ARNT2: variants seen among roughly 807,000 people sequenced by gnomAD.
The protein encoded by ARNT2 is aryl hydrocarbon receptor nuclear translocator 2.
A neutral mutation model predicts 91.7 loss-of-function variants in ARNT2; 36 were observed. The observed-to-expected ratio is 0.39, with a 90% CI of 0.30 to 0.52. The LOEUF (loss-of-function observed/expected upper bound fraction) is 0.52. ARNT2 is among the 20% of genes least tolerant of loss of function. The probability of loss-of-function intolerance (pLI) is 0.72; values close to 1 mark genes in which losing one functional copy is unlikely to be tolerated. For synonymous variants in ARNT2, 365 were observed against 347.1 expected (o/e 1.05, Z -0.57); for missense variants, 775 against 939.3 (o/e 0.83, Z 2.29).
At chr15:80,518,609 A>G (rs1313493204) in intron 8 of ARNT2, among the ~76,000 whole-genome samples, 7 of 152,094 alleles carry the variant, frequency 4.6e-5, no homozygotes. Flanking sequence ...AGTCTTAAAT[A>G]GAGTATGCCT....
intron 2 of ARNT2, among the ~76,000 whole-genome samples, chr15:80,452,037 A>G (rs1896401349): frequency 6.6e-6 from 1 of 152,186 alleles, no homozygotes; most frequent in South Asian, 2.1e-4. Flanking sequence ...GTGGTCCAAT[A>G]TGATTCTTAA....
chr15:80,513,085 C>T (rs1897369290), intron 6 of ARNT2, among the ~76,000 whole-genome samples: 2 of 152,280 alleles, frequency 1.3e-5, no homozygotes, highest in South Asian at 2.1e-4. Context: ...GACTCTTATC[C>T]CTGCTGTATT....
rs569484954 is a variant in ARNT2, at chr15:80,519,859, T to C, written c.877+5454T>C. Among the ~76,000 whole-genome samples, 3 of 125,272 alleles carry C rather than the reference T, an allele frequency of 2.4e-5. No homozygotes were observed. The East Asian group carries it at 6.4e-4, about 27-fold the overall frequency. 82.2% of individuals were successfully genotyped at this position (125,272 alleles called of 152,430 possible). A position where few individuals can be genotyped will look rare whatever the true frequency, so the allele number is the denominator to read the frequency against. On this transcript the variant is annotated intron_variant, in intron 8 of 18. Coordinates refer to ENST00000303329, the MANE Select transcript of ARNT2 (RefSeq NM_014862.4). ...GCCACCATGCCCGGCTAATTTTTTG[T>C]ATTTTTTTTTTTTTTTTTTTACTAG...
At chr15:80,588,062 C>T (rs987803158) in intron 17 of ARNT2, among the ~76,000 whole-genome samples, 1 of 152,072 alleles carries the variant, frequency 6.6e-6, no homozygotes, top group Non-Finnish European at 1.5e-5. Context: ...GTGGGTGTGG[C>T]CATGACTCAC....
chr15:80,471,563 G>A (rs1476347548), intron 4 of ARNT2, among the ~76,000 whole-genome samples: 1 of 152,208 alleles, frequency 6.6e-6, no homozygotes, highest in Non-Finnish European at 1.5e-5. Flanking sequence ...AGTGATGGCA[G>A]CAGTAGTGAT....
intron 1 of ARNT2, among the ~76,000 whole-genome samples, chr15:80,436,662 C>T (rs568766161): frequency 3.3e-5 from 5 of 152,170 alleles, no homozygotes; most frequent in African/African-American, 7.2e-5. Flanking sequence ...TAGCTGCTCT[C>T]GTTGTGTCTG....
At chr15:80,449,710 T>G (rs1896359045) in intron 1 of ARNT2, among the ~76,000 whole-genome samples, 1 of 152,228 alleles carries the variant, frequency 6.6e-6, no homozygotes, top group South Asian at 2.1e-4. Flanking sequence ...ATGTGTTTAT[T>G]AAACATACAG....
At position 80,441,264 on chromosome 15, in the gene ARNT2, T is replaced by A. The variant is rs908182985; in HGVS notation, c.32-9616T>A. The stretch of plus-strand genomic sequence containing the variant: ...TGACATTTTCTCAGCAGAATACAAA[T>A]GCAGCTACATTTCCTCCCAGAGGTT... On this transcript the variant is annotated intron_variant, in intron 1 of 18. Transcript: ENST00000303329. 3.0e-6 allele frequency: 3 copies of A among 985,176 alleles called. No individual in the cohort carries two copies. In the African/African-American group the frequency reaches 5.2e-5, roughly 17 times the overall value. The allele number at this position is 985,176 out of a possible 1,614,324, so 61.0% of individuals were successfully genotyped here. A position where few individuals can be genotyped will look rare whatever the true frequency, so the allele number is the denominator to read the frequency against.
Position 80,450,931 on chromosome 15 carries a change from C to G in ARNT2, c.83C>G (p.Ala28Gly). 6.2e-7 allele frequency: 1 copy of G among 1,614,194 alleles called. No individual in the cohort carries two copies. Among genetic ancestry groups the G allele is most frequent in the Non-Finnish European group, 8.5e-7 (1 of 1,180,044 alleles). The change falls in exon 2 of 19, where the codon GCG becomes GGG. Residue 28 changes from alanine (A) to glycine (G), a missense_variant. Physicochemically the swap from Ala to Gly is moderately conservative, Grantham distance 60. Coordinates refer to ENST00000303329, the MANE Select transcript of ARNT2 (RefSeq NM_014862.4). ...GTGACGTTGCCCGTTGCCCCCATGG[C>G]GGCCACCGGACAGGTGAGGATGGCG... ...GSVTLPVAPM[A>G]ATGQVRMAGA...
chr15:80,568,455 T>C (rs959485294), intron 12 of ARNT2, among the ~76,000 whole-genome samples: 1 of 152,192 alleles, frequency 6.6e-6, no homozygotes, highest in African/African-American at 2.4e-5. Context: ...TGTGTGTGCA[T>C]GTGTTTTTAA....
At chr15:80,467,744 G>A (rs116507685) in intron 3 of ARNT2, among the ~76,000 whole-genome samples, 316 of 152,230 alleles carry the variant, frequency 2.1e-3, no homozygotes, top group African/African-American at 7.2e-3. Flanking sequence ...CTGGCGAGGC[G>A]GGGGCTCACC....
At chr15:80,418,223 ACT>A (rs1895814084) in intron 1 of ARNT2, among the ~76,000 whole-genome samples, 1 of 152,018 alleles carries the variant, frequency 6.6e-6, no homozygotes, top group South Asian at 2.1e-4. Context: ...CTTCCCTGGC[ACT>A]CTGAGTCTGC....
intron 8 of ARNT2, among the ~76,000 whole-genome samples, chr15:80,529,653 AAG>A (rs1897703621): frequency 6.6e-6 from 1 of 152,000 alleles, no homozygotes; most frequent in African/African-American, 2.4e-5. Flanking sequence ...TTGCAGACTC[AAG>A]TCTTTCTTCA....
At position 80,457,981 on chromosome 15, in the gene ARNT2, GTTTAT is replaced by G. The variant is rs758756421; in HGVS notation, c.194+14_194+18del. ...AGGCCCCAGTAAATTTTCAAGGTAA[GTTTAT>G]TTTATTTTCCTTAGACTTAAAGAAG... On this transcript the variant is annotated splice_donor_region_variant and intron_variant, in intron 3 of 18. Coordinates refer to ENST00000303329, the MANE Select transcript of ARNT2 (RefSeq NM_014862.4). 7 of 1,612,944 alleles carry G rather than the reference GTTTAT, an allele frequency of 4.3e-6. No homozygotes were observed. In the South Asian group the frequency reaches 7.7e-5, roughly 18 times the overall value.
chr15:80,578,955 A>C (rs1284536037), intron 15 of ARNT2, among the ~76,000 whole-genome samples: 1 of 152,178 alleles, frequency 6.6e-6, no homozygotes, highest in African/African-American at 2.4e-5. Context: ...CGCTTGCAGA[A>C]TGGTGTTGCT....
intron 17 of ARNT2, among the ~76,000 whole-genome samples, chr15:80,586,631 C>T (rs751978175): frequency 1.3e-5 from 2 of 151,956 alleles, no homozygotes; most frequent in Non-Finnish European, 2.9e-5. Context: ...TTTGGGAGGC[C>T]GAGGTGGGTT....
rs1896213789 is a variant in ARNT2 at position 80,442,817 on chromosome 15, A to T, written c.32-8063A>T. 1.1e-5 allele frequency: 11 copies of T among 983,324 alleles called. No homozygotes were observed. The East Asian group carries it at 3.4e-4, about 31-fold the overall frequency. 60.9% of individuals were successfully genotyped at this position (983,324 alleles called of 1,614,324 possible). A position where few individuals can be genotyped will look rare whatever the true frequency, so the allele number is the denominator to read the frequency against. On this transcript the variant is annotated intron_variant, in intron 1 of 18. Coordinates refer to ENST00000303329, the MANE Select transcript of ARNT2 (RefSeq NM_014862.4). ...ATCATATTTTTCTTCTGTCTCTAAA[A>T]TTTTTTTTGCCCTATACAGTGTAGG...
At chr15:80,582,529 C>G (rs1898818541) in intron 17 of ARNT2, among the ~76,000 whole-genome samples, 1 of 151,702 alleles carries the variant, frequency 6.6e-6, no homozygotes, top group Admixed American at 6.6e-5. Flanking sequence ...CTGTGCAGAG[C>G]CCCTAGCACA....
At chr15:80,514,476 A>G in intron 8 of ARNT2, 71 bp downstream of exon 8, 5 of 1,326,402 alleles carry the variant, frequency 3.8e-6, no homozygotes, top group Non-Finnish European at 5.4e-6. Context: ...GTCCTGTTAG[A>G]GAAGTATTCT....
Sources: gnomAD v4.1 joint callset for allele counts (sites outside exome capture counted in the v4.1 genomes callset) on GRCh38, gnomAD v4.1.1 for gene constraint, MANE v1.5 for transcripts, NCBI Gene and HGNC (gene_info 2026-07-23, HGNC 2026-07-21) for gene names.